The following CLCA1 variants were observed in gnomAD, a reference collection of about 807,000 sequenced individuals.
CLCA1 encodes calcium-activated chloride channel regulator 1.
Under a neutral mutation model 85.6 loss-of-function variants are expected in CLCA1, and 59 were observed. That is an observed-to-expected ratio of 0.69 (90% CI 0.56 to 0.86). The LOEUF is 0.86. Ranked by LOEUF, CLCA1 falls within the 40% of genes least tolerant of loss-of-function variation. The pLI is 0.00. For synonymous variants in CLCA1, 396 were observed against 398.3 expected (o/e 0.99, Z 0.07); for missense variants, 1,022 against 1,101.4 (o/e 0.93, Z 1.02).
At position 86,499,640 on chromosome 1, in the gene CLCA1, T is replaced by C. The variant is rs760919281; in HGVS notation, c.2354-14T>C. 1.3e-6 allele frequency: 2 copies of C among 1,498,128 alleles called. No individual in the cohort carries two copies. Among genetic ancestry groups the C allele is most frequent in the Non-Finnish European group, 1.8e-6 (2 of 1,103,870 alleles). The allele number at this position is 1,498,128 out of a possible 1,614,324, so 92.8% of individuals were successfully genotyped here. On this transcript the variant is annotated splice_polypyrimidine_tract_variant and intron_variant, in intron 13 of 13. Coordinates refer to ENST00000394711, the MANE Select transcript of CLCA1 (RefSeq NM_001285.4). Reference sequence around the variant, plus strand: ...TTTCAGAATTAAAGTCACATTCTTCTTTTTTCTTTTTAGCTCACAAGTATA... The same window carrying C: ...TTTCAGAATTAAAGTCACATTCTTCCTTTTTCTTTTTAGCTCACAAGTATA...
chr1:86,469,202 G>T (rs1384498097), intron 1 of CLCA1, 69 bp downstream of exon 1: 2 of 1,135,118 alleles, frequency 1.8e-6, no homozygotes, highest in Non-Finnish European at 2.5e-6. Flanking sequence ...GAACATGAGT[G>T]CCCTATTCCA....
Position 86,495,659 on chromosome 1 carries a change from T to G in CLCA1, c.2097T>G (p.Pro699=), listed in dbSNP as rs1437926052. ...AGCAGAGTGGAGCACTGTACATACC[T>G]GGCTGGATTGAGAATGGTAAGTAAT... ...IPQQSGALYI[P]GWIENDEIQW... The change falls in exon 12 of 14, where the codon CCT becomes CCG. Residue 699 remains proline (P), a synonymous_variant. Coordinates refer to ENST00000394711, the MANE Select transcript of CLCA1 (RefSeq NM_001285.4). 6.2e-7 allele frequency: 1 copy of G among 1,606,214 alleles called. No homozygotes were observed. Among genetic ancestry groups the G allele is most frequent in the Admixed American group, 1.7e-5 (1 of 58,634 alleles).
chr1:86,479,166 G>A (rs1570281800), intron 4 of CLCA1, among the ~76,000 whole-genome samples: 1 of 152,102 alleles, frequency 6.6e-6, no homozygotes, highest in Admixed American at 6.6e-5. Flanking sequence ...ATTGACAAGG[G>A]AAGCCAATAA....
intron 8 of CLCA1, among the ~76,000 whole-genome samples, chr1:86,490,287 C>T (rs1409283852): frequency 6.6e-6 from 1 of 152,150 alleles, no homozygotes; most frequent in Non-Finnish European, 1.5e-5. Flanking sequence ...ATGCACTTGG[C>T]TGGGTAAGGG....
chr1:86,485,735 C>T (rs961031644), intron 6 of CLCA1, among the ~76,000 whole-genome samples, 174 bp downstream of exon 6: 2 of 152,206 alleles, frequency 1.3e-5, no homozygotes, highest in African/African-American at 2.4e-5. Flanking sequence ...TCAGCATCAA[C>T]TATCTCATTT....
intron 12 of CLCA1, among the ~76,000 whole-genome samples, chr1:86,496,032 T>C (rs1648273093): frequency 6.6e-6 from 1 of 152,198 alleles, no homozygotes; most frequent in South Asian, 2.1e-4. Context: ...CCCAGCCCTC[T>C]ATCAAATACA....
At chr1:86,474,520 C>CT (rs1647592453) in intron 3 of CLCA1, among the ~76,000 whole-genome samples, 1 of 150,940 alleles carries the variant, frequency 6.6e-6, no homozygotes, top group Non-Finnish European at 1.5e-5. Context: ...CGCCACTGCA[C>CT]TCCAGCCTGG....
At chr1:86,480,298 T>TAGTATTGTAGCAC (rs1553187293) in intron 4 of CLCA1, among the ~76,000 whole-genome samples, 1 of 152,134 alleles carries the variant, frequency 6.6e-6, no homozygotes, top group Non-Finnish European at 1.5e-5. Context: ...TTTAGAAGCT[T>TAGTATTGTAGCAC]AGTATTGTAG....
In CLCA1 at chr1:86,489,022, T is replaced by C. The variant is rs371524788; in HGVS notation, c.1209T>C (p.Asp403=). ...FTVIRKKYPT[D]GSEIVLLTDG... ...TGATTAGGAAGAAATATCCAACTGA[T>C]GGATCTGAAATTGTGCTGCTGACGG... Residue 403 remains aspartate, a synonymous_variant, in exon 8 of 14, where the codon GAT becomes GAC. Transcript: ENST00000394711. The C allele has an allele frequency of 6.2e-7, 1 of 1,614,074 alleles. No individual in the cohort carries two copies. Among genetic ancestry groups the C allele is most frequent in the Middle Eastern group, 1.7e-4 (1 of 6,060 alleles).
At chr1:86,477,484 A>C (rs947259388) in intron 4 of CLCA1, among the ~76,000 whole-genome samples, 1 of 152,242 alleles carries the variant, frequency 6.6e-6, no homozygotes, top group African/African-American at 2.4e-5. Context: ...CAGCAGTCTC[A>C]GTGCACAAAA....
In CLCA1 at chr1:86,495,797, T is replaced by G. The variant is rs55902541; in HGVS notation, c.2113+122T>G. The G allele has an allele frequency of 1.2e-5, 11 of 939,424 alleles. 1 individual carries two copies. 58.2% of individuals were successfully genotyped at this position (939,424 alleles called of 1,614,324 possible). On this transcript the variant is annotated intron_variant, in intron 12 of 13. Coordinates refer to ENST00000394711, the MANE Select transcript of CLCA1 (RefSeq NM_001285.4). ...CAGGGTTTCTCAACCTTGGCATTAT[T>G]AAGATTTTGAGCCAGACAATCCTTT...
intron 4 of CLCA1, among the ~76,000 whole-genome samples, chr1:86,476,782 C>A (rs1558134863): frequency 6.6e-6 from 1 of 151,010 alleles, no homozygotes; most frequent in Non-Finnish European, 1.5e-5. Context: ...CTCCTTTTTT[C>A]TTTTTTTTTA....
intron 9 of CLCA1, 60 bp from the exon 10 acceptor site, chr1:86,493,324 G>T: frequency 1.5e-6 from 2 of 1,369,594 alleles, no homozygotes; most frequent in Non-Finnish European, 2.1e-6. Flanking sequence ...GGGCAGAAGG[G>T]AAAAGATCAT....
intron 11 of CLCA1, 135 bp downstream of exon 11, chr1:86,494,583 C>A: frequency 1.2e-6 from 1 of 867,980 alleles, no homozygotes. Flanking sequence ...TGGGAGAGTT[C>A]TCCATTTCCC....
chr1:86,490,899 T>TAA (rs59948810), intron 8 of CLCA1, among the ~76,000 whole-genome samples: 3,870 of 89,316 alleles, frequency 0.043, 84 homozygotes, highest in Middle Eastern at 0.056. Context: ...AACCCATCTC[T>TAA]AAAAAAAAAA....
chr1:86,485,348 T>C lies in CLCA1; in HGVS notation c.741T>C (p.Val247=). ...AATTTCATTGACAATTTCAGATAGTTGAATTCTGTACAGAACAAAACCACA... is the reference window on the plus strand; with the variant it reads ...AATTTCATTGACAATTTCAGATAGTCGAATTCTGTACAGAACAAAACCACA... ...IMFAQHVDSI[V]EFCTEQNHNK... The change falls in exon 6 of 14, where the codon GTT becomes GTC. Residue 247 remains valine (V), a synonymous_variant. Transcript: ENST00000394711. 1 of 1,611,284 alleles carries C rather than the reference T, an allele frequency of 6.2e-7. No individual in the cohort carries two copies. The highest frequency in any genetic ancestry group is 8.5e-7 in the Non-Finnish European group (1 of 1,177,586).
chr1:86,476,140 C>A (rs2101730112), intron 3 of CLCA1, among the ~76,000 whole-genome samples: 1 of 152,266 alleles, frequency 6.6e-6, no homozygotes. Context: ...ACCTGTACCA[C>A]CAGGCATTTT....
chr1:86,469,202 G>A, intron 1 of CLCA1, 69 bp downstream of exon 1: 1 of 1,135,232 alleles, frequency 8.8e-7, no homozygotes, highest in Non-Finnish European at 1.2e-6. Context: ...GAACATGAGT[G>A]CCCTATTCCA....
At position 86,493,494 on chromosome 1, in the gene CLCA1, G is replaced by C. The variant is rs953419479; in HGVS notation, c.1575G>C (p.Gln525His). The C allele has an allele frequency of 1.2e-6, 2 of 1,614,080 alleles. No individual in the cohort carries two copies. The highest frequency in any genetic ancestry group is 1.1e-5 in the South Asian group (1 of 91,072). Residue 525 changes from glutamine to histidine, a missense_variant, in exon 10 of 14, where the codon CAG becomes CAC. Physicochemically the swap from Gln to His is conservative, Grantham distance 24 (BLOSUM62 0). Coordinates refer to ENST00000394711, the MANE Select transcript of CLCA1 (RefSeq NM_001285.4). Reference sequence around the variant, plus strand: ...TGTTTCTTATCACCTGGACAATGCAGCCTCCCCAAATCCTTCTCTGGGATC... The same window carrying C: ...TGTTTCTTATCACCTGGACAATGCACCCTCCCCAAATCCTTCTCTGGGATC... ...DTLFLITWTM[Q>H]PPQILLWDPS...
Sources: gnomAD v4.1 joint callset for allele counts (sites outside exome capture counted in the v4.1 genomes callset) on GRCh38, gnomAD v4.1.1 for gene constraint, MANE v1.5 for transcripts, NCBI Gene and HGNC (gene_info 2026-07-23, HGNC 2026-07-21) for gene names.